The following RANBP17 variants were observed in gnomAD, a reference collection of about 807,000 sequenced individuals.
RANBP17 encodes the protein RAN binding protein 17.
RANBP17 carries 158 observed loss-of-function variants against 141.2 expected under a neutral mutation model. That is an observed-to-expected ratio of 1.12 (90% CI 0.98 to 1.28). The LOEUF (loss-of-function observed/expected upper bound fraction) is 1.28, where lower values mean the gene tolerates loss of function less well. RANBP17 is among the 50% of genes most tolerant of loss of function. The probability of loss-of-function intolerance (pLI) is 0.00; values close to 1 mark genes in which losing one functional copy is unlikely to be tolerated. For missense variants in RANBP17, 1,438 were observed against 1,290.7 expected, an observed-to-expected ratio of 1.11 and a Z score of -1.75; for synonymous variants, 430 against 450.0, an observed-to-expected ratio of 0.96 and a Z score of 0.56.
chr5:170,948,130 GTTATA>G (rs1490768886), intron 12 of RANBP17, among the ~76,000 whole-genome samples: 1 of 152,118 alleles, frequency 6.6e-6, no homozygotes, highest in Non-Finnish European at 1.5e-5. Flanking sequence ...TCTTTCCCCA[GTTATA>G]TTAAACTGTG....
intron 18 of RANBP17, among the ~76,000 whole-genome samples, chr5:171,186,499 A>G (rs1761245075): frequency 1.5e-5 from 2 of 135,110 alleles, no homozygotes; most frequent in Admixed American, 1.5e-4. Context: ...GCTTTGGCTT[A>G]GGAAATGTTA....
intron 14 of RANBP17, among the ~76,000 whole-genome samples, chr5:171,006,187 G>T (rs1183598173): frequency 6.6e-6 from 1 of 152,216 alleles, no homozygotes; most frequent in Non-Finnish European, 1.5e-5. Context: ...AGTCAGTATG[G>T]CGATTCCTTC....
chr5:170,906,582 A>G (rs988680913), intron 5 of RANBP17, among the ~76,000 whole-genome samples: 1 of 152,004 alleles, frequency 6.6e-6, no homozygotes, highest in African/African-American at 2.4e-5. Context: ...TGTAATTAAT[A>G]CATATTTTGT....
chr5:170,883,923 G>A (rs962762793), intron 3 of RANBP17, among the ~76,000 whole-genome samples: 1 of 152,084 alleles, frequency 6.6e-6, no homozygotes, highest in African/African-American at 2.4e-5. Flanking sequence ...TACATATGTG[G>A]GTTTTTGTGT....
intron 12 of RANBP17, among the ~76,000 whole-genome samples, chr5:170,937,214 ATG>A (rs1561909467): frequency 6.6e-6 from 1 of 151,202 alleles, no homozygotes; most frequent in African/African-American, 2.5e-5. Flanking sequence ...GGTAGTCTGT[ATG>A]TAGTCCACAA....
chr5:171,038,162 T>TTGTGTGTGTGTG (rs61652416), intron 14 of RANBP17, among the ~76,000 whole-genome samples: 21 of 144,842 alleles, frequency 1.4e-4, no homozygotes, highest in Admixed American at 7.7e-4. Context: ...TTCTTAGGTA[T>TTGTGTGTGTGTG]TGTGTGTGTG....
chr5:171,251,917 G>C lies in RANBP17; in HGVS notation c.2776+9097G>C. The C allele has an allele frequency of 1.9e-6, 3 of 1,586,832 alleles. No individual in the cohort carries two copies. In the Admixed American group the frequency reaches 5.0e-5, roughly 26 times the overall value. On this transcript the variant is annotated intron_variant, in intron 24 of 27. Coordinates refer to ENST00000523189, the MANE Select transcript of RANBP17 (RefSeq NM_022897.5). ...TGGTCCAGAACAGTTTCCAGTGAAT[G>C]AGCACTATTTTGGATTAGTCAGTTT...
intron 25 of RANBP17, among the ~76,000 whole-genome samples, chr5:171,274,140 G>A (rs1440213547): frequency 7.7e-6 from 1 of 130,480 alleles, no homozygotes; most frequent in Non-Finnish European, 1.7e-5. Context: ...GTGTGTGTGT[G>A]TGTGTGTGTG....
chr5:171,148,758 G>T (rs1758264086), intron 14 of RANBP17, among the ~76,000 whole-genome samples: 1 of 152,000 alleles, frequency 6.6e-6, no homozygotes, highest in African/African-American at 2.4e-5. Flanking sequence ...AACTTCTCTG[G>T]GTCTCAATTT....
intron 1 of RANBP17, chr5:170,866,764 A>G (rs1191638648): frequency 6.6e-6 from 1 of 152,102 alleles, no homozygotes; most frequent in Non-Finnish European, 1.5e-5. Context: ...ATATCTTTCT[A>G]GATTTCCAAG....
At position 170,920,355 on chromosome 5, in the gene RANBP17, A is replaced by G. The variant is rs374681784; in HGVS notation, c.1274+742A>G. On this transcript the variant is annotated intron_variant, in intron 11 of 27. Coordinates refer to ENST00000523189, the MANE Select transcript of RANBP17 (RefSeq NM_022897.5). ...TTGTTAGTTTGAAAAAATTTTACTC[A>G]TTCTAATAACTATGTAGTGGTACCT... 1.7e-4 allele frequency among the ~76,000 whole-genome samples: 26 copies of G among 152,248 alleles called. 1 individual carries two copies. The highest frequency in any genetic ancestry group is 9.7e-4 in the East Asian group (5 of 5,178).
chr5:170,940,378 T>C (rs1051070085), intron 12 of RANBP17, among the ~76,000 whole-genome samples: 3 of 152,190 alleles, frequency 2.0e-5, no homozygotes, highest in African/African-American at 7.2e-5. Context: ...TTTAAAACTT[T>C]TTGAGCACTG....
At chr5:170,929,472 T>G (rs1773171577) in intron 12 of RANBP17, among the ~76,000 whole-genome samples, 1 of 152,174 alleles carries the variant, frequency 6.6e-6, no homozygotes, top group South Asian at 2.1e-4. Flanking sequence ...TTTATGCATC[T>G]ATTCAAATGA....
At chr5:171,154,422 A>T (rs1437936842) in intron 14 of RANBP17, among the ~76,000 whole-genome samples, 1 of 152,068 alleles carries the variant, frequency 6.6e-6, no homozygotes, top group Non-Finnish European at 1.5e-5. Flanking sequence ...GATTACAGGC[A>T]TGCGCCACCA....
At chr5:170,981,835 T>C (rs1411398369) in intron 14 of RANBP17, among the ~76,000 whole-genome samples, 1 of 152,150 alleles carries the variant, frequency 6.6e-6, no homozygotes, top group African/African-American at 2.4e-5. Context: ...TGAAGAAAGC[T>C]AGTAGTTAGG....
intron 14 of RANBP17, among the ~76,000 whole-genome samples, chr5:171,085,137 G>C (rs1439173326): frequency 2.0e-5 from 2 of 102,334 alleles, no homozygotes; most frequent in Non-Finnish European, 4.0e-5. Context: ...ATTGATTTTT[G>C]TATAAGGTGT....
chr5:171,053,882 T>C (rs1783143212), intron 14 of RANBP17, among the ~76,000 whole-genome samples: 1 of 9,626 alleles, frequency 1.0e-4, no homozygotes, highest in Non-Finnish European at 2.3e-4. Flanking sequence ...TTAGTTCATA[T>C]ATATATATAT....
intron 25 of RANBP17, among the ~76,000 whole-genome samples, chr5:171,272,124 C>T (rs151189302): frequency 4.7e-4 from 71 of 152,248 alleles, no homozygotes; most frequent in African/African-American, 1.5e-3. Flanking sequence ...TTCTCACTTA[C>T]AAGTGGGAGC....
chr5:171,130,411 A>G (rs973119114), intron 14 of RANBP17, among the ~76,000 whole-genome samples: 4 of 149,478 alleles, frequency 2.7e-5, no homozygotes, highest in African/African-American at 9.8e-5. Context: ...AATATGCTCA[A>G]TCAGAATACT....
Sources: gnomAD v4.1 joint callset for allele counts (sites outside exome capture counted in the v4.1 genomes callset) on GRCh38, gnomAD v4.1.1 for gene constraint, MANE v1.5 for transcripts, NCBI Gene and HGNC (gene_info 2026-07-23, HGNC 2026-07-21) for gene names.